Variants in BCL2L14 observed in about 807,000 individuals in gnomAD.
BCL2L14 encodes the protein apoptosis facilitator Bcl-2-like protein 14.
BCL2L14 carries 27 observed loss-of-function variants against 35.3 expected under a neutral mutation model. The observed-to-expected ratio is 0.76, with a 90% CI of 0.56 to 1.05. BCL2L14 has a LOEUF of 1.05. Among genes scored for constraint, BCL2L14 ranks in the 50% least tolerant of loss-of-function variants. The pLI is 0.00. For synonymous variants in BCL2L14, 139 were observed against 145.9 expected, an observed-to-expected ratio of 0.95 and a Z score of 0.34; for missense variants, 377 against 382.6, an observed-to-expected ratio of 0.99 and a Z score of 0.12.
intron 2 of BCL2L14, among the ~76,000 whole-genome samples, chr12:12,062,985 A>C (rs1193843237): frequency 6.6e-6 from 1 of 152,226 alleles, no homozygotes; most frequent in African/African-American, 2.4e-5. Flanking sequence ...TTCGCTTCTC[A>C]GAATTCAGGC....
chr12:12,063,903 C>T (rs1396757795), intron 2 of BCL2L14, among the ~76,000 whole-genome samples: 1 of 151,976 alleles, frequency 6.6e-6, no homozygotes, highest in Non-Finnish European at 1.5e-5. Context: ...CCCACTCGTG[C>T]CCGCCAGAGA....
chr12:12,080,330 AAAG>A (rs145444752), intron 2 of BCL2L14, among the ~76,000 whole-genome samples: 7,618 of 151,034 alleles, frequency 0.05, 324 homozygotes, highest in Middle Eastern at 0.12. Flanking sequence ...CACCAATATA[AAAG>A]AAGGAGGCTA....
At chr12:12,080,121 C>A (rs368329508) in intron 2 of BCL2L14, among the ~76,000 whole-genome samples, 24 of 151,446 alleles carry the variant, frequency 1.6e-4, no homozygotes, top group Non-Finnish European at 2.8e-4. Context: ...AGGAGAATGG[C>A]GTGAACCCAG....
At chr12:12,050,581 A>G (rs772615543) in intron 1 of BCL2L14, among the ~76,000 whole-genome samples, 1 of 151,908 alleles carries the variant, frequency 6.6e-6, no homozygotes, top group Non-Finnish European at 1.5e-5. Flanking sequence ...AGAAGCTTAT[A>G]GGAGTAGACC....
chr12:12,070,812 G>A (rs2136728024), upstream of BCL2L14: 1 of 152,314 alleles, frequency 6.6e-6, no homozygotes, highest in East Asian at 1.9e-4. Flanking sequence ...CAAAGGGCAG[G>A]AAGAGTGCTA....
intron 2 of BCL2L14, among the ~76,000 whole-genome samples, chr12:12,086,234 C>G (rs1205930037): frequency 6.6e-6 from 1 of 152,218 alleles, no homozygotes; most frequent in East Asian, 1.9e-4. Flanking sequence ...GGGACAATCG[C>G]TTGAGCCTGA....
intron 2 of BCL2L14, among the ~76,000 whole-genome samples, chr12:12,057,293 TA>T (rs1037693167): frequency 6.6e-6 from 1 of 152,230 alleles, no homozygotes; most frequent in Non-Finnish European, 1.5e-5. Context: ...TAAGGAGTTG[TA>T]AAATAGCATA....
chr12:12,051,139 G>C (rs971533401), intron 1 of BCL2L14, among the ~76,000 whole-genome samples: 1 of 152,196 alleles, frequency 6.6e-6, no homozygotes, highest in South Asian at 2.1e-4. Flanking sequence ...AGTGAGCAGG[G>C]TGTATAAGAG....
At chr12:12,069,079 C>A (rs1456940315), upstream of BCL2L14, among the ~76,000 whole-genome samples, 1 of 152,180 alleles carries the variant, frequency 6.6e-6, no homozygotes, top group Non-Finnish European at 1.5e-5. Flanking sequence ...AGTGCATTAT[C>A]ATTGGCATAT....
intron 5 of BCL2L14, among the ~76,000 whole-genome samples, chr12:12,098,037 A>G (rs1413630943): frequency 6.8e-6 from 1 of 146,578 alleles, no homozygotes; most frequent in Non-Finnish European, 1.5e-5. Flanking sequence ...AGGGATGACT[A>G]ATTTTTCCAA....
chr12:12,080,350 G>A (rs1948890336), intron 2 of BCL2L14, among the ~76,000 whole-genome samples: 1 of 152,156 alleles, frequency 6.6e-6, no homozygotes, highest in Non-Finnish European at 1.5e-5. Flanking sequence ...GCTAGGCGCA[G>A]TGGCTCATGC....
At chr12:12,066,886 A>G (rs182717213), upstream of BCL2L14, among the ~76,000 whole-genome samples, 9 of 151,806 alleles carry the variant, frequency 5.9e-5, no homozygotes, top group African/African-American at 1.9e-4. Flanking sequence ...AATTTTTTGT[A>G]TTTTTAGTAG....
intron 1 of BCL2L14, among the ~76,000 whole-genome samples, chr12:12,073,429 A>T (rs778689539): frequency 2.1e-4 from 32 of 152,258 alleles, no homozygotes; most frequent in Non-Finnish European, 3.7e-4. Context: ...ACATTTTACT[A>T]AATGGAAGGA....
chr12:12,073,507 A>G (rs1591815850), intron 1 of BCL2L14, among the ~76,000 whole-genome samples: 1 of 152,142 alleles, frequency 6.6e-6, no homozygotes. Context: ...TAGCATTAGC[A>G]AGCTTGTTTC....
At chr12:12,090,574 A>G (rs570749168) in intron 3 of BCL2L14, among the ~76,000 whole-genome samples, 4 of 152,062 alleles carry the variant, frequency 2.6e-5, no homozygotes, top group Non-Finnish European at 5.9e-5. Flanking sequence ...CAGAGGTTGC[A>G]GTGAGGCAAG....
At chr12:12,084,471 C>T (rs571540773) in intron 2 of BCL2L14, among the ~76,000 whole-genome samples, 1 of 152,256 alleles carries the variant, frequency 6.6e-6, no homozygotes, top group African/African-American at 2.4e-5. Context: ...CCCCAACCCC[C>T]TGCCCTTTCT....
chr12:12,092,020 T>C lies in BCL2L14; in HGVS notation c.678+1171T>C, dbSNP rs1232200944. Among the ~76,000 whole-genome samples the C allele has an allele frequency of 1.4e-4, 21 of 152,160 alleles. No homozygotes were observed. The South Asian group carries it at 1.5e-3, about 11-fold the overall frequency. On this transcript the variant is annotated intron_variant, in intron 4 of 5. Coordinates refer to ENST00000308721, the MANE Select transcript of BCL2L14 (RefSeq NM_138723.2). ...AATGATCTTCCTGTCACGGGAAGAA[T>C]TGCAAGTAGGTGCCAATACCAGTTA... is the stretch of plus-strand genomic sequence containing the variant.
In BCL2L14 at chr12:12,079,503, A is replaced by C; in HGVS notation, c.198A>C (p.Ser66=). Residue 66 remains serine (S), a synonymous_variant, in exon 2 of 6, where the codon TCA becomes TCC. Coordinates refer to ENST00000308721, the MANE Select transcript of BCL2L14 (RefSeq NM_138723.2). ...TGGGGAATTGTTCAGCAAATGAGTC[A>C]TGGACAGAGGTGTCATGGCCTTGCA... ...RGLGNCSANE[S]WTEVSWPCRN... 6.2e-7 allele frequency: 1 copy of C among 1,614,256 alleles called. No homozygotes were observed.
At chr12:12,088,392 C>T (rs1003375903) in intron 3 of BCL2L14, among the ~76,000 whole-genome samples, 1 of 152,064 alleles carries the variant, frequency 6.6e-6, no homozygotes, top group African/African-American at 2.4e-5. Flanking sequence ...AGTGGGCTTT[C>T]CACTTGCCCA....
Sources: allele counts gnomAD v4.1 joint callset (sites outside exome capture counted in the v4.1 genomes callset), GRCh38; gene constraint gnomAD v4.1.1; transcripts MANE v1.5; gene names NCBI Gene and HGNC (gene_info 2026-07-23, HGNC 2026-07-21).